CACNA1C: variants seen among roughly 807,000 people sequenced by gnomAD.
CACNA1C encodes the protein voltage-dependent L-type calcium channel subunit alpha-1C.
CACNA1C carries 30 observed loss-of-function variants against 229.0 expected under a neutral mutation model. The observed-to-expected ratio is 0.13, with a 90% CI of 0.10 to 0.18. The LOEUF (loss-of-function observed/expected upper bound fraction) is 0.18. CACNA1C is among the 10% of genes least tolerant of loss of function. The pLI, the probability that CACNA1C is intolerant of heterozygous loss-of-function variation, is 1.00. For missense variants in CACNA1C, 1,658 were observed against 2,845.0 expected (o/e 0.58, Z 9.49); for synonymous variants, 1,114 against 1,132.5 (o/e 0.98, Z 0.33).
At position 2,651,966 on chromosome 12, in the gene CACNA1C, A is replaced by G. The variant is rs2153656371; in HGVS notation, c.4074+198A>G. ...AGCATGTGGTTTCCAAGGCAGGCTC[A>G]GAGCCCCAGAAGGCCAGGTGGTAAA... On this transcript the variant is annotated intron_variant, in intron 32 of 46. Transcript: ENST00000399655. This position sits in a 1 kb window ranked among gnomAD's most constrained non-coding sequence, Gnocchi z 5.4. Among the ~76,000 whole-genome samples the G allele has an allele frequency of 6.6e-6, 1 of 152,112 alleles. No homozygotes were observed. Among genetic ancestry groups the G allele is most frequent in the Middle Eastern group, 3.4e-3 (1 of 294 alleles).
intron 3 of CACNA1C, among the ~76,000 whole-genome samples, chr12:2,336,862 G>T (rs1019708235): frequency 2.0e-5 from 3 of 152,168 alleles, no homozygotes; most frequent in African/African-American, 4.8e-5. Flanking sequence ...GGAGTGCCAT[G>T]TCGGGCAGGG....
At chr12:2,292,241 G>A (rs1176773763) in intron 3 of CACNA1C, among the ~76,000 whole-genome samples, 3 of 152,240 alleles carry the variant, frequency 2.0e-5, no homozygotes, top group East Asian at 3.8e-4. Context: ...ACAATAGTGA[G>A]TGAAGCAAGT....
Position 2,348,111 on chromosome 12 carries a change from C to T in CACNA1C, c.478-100865C>T, listed in dbSNP as rs1427338381. 2.0e-5 allele frequency among the ~76,000 whole-genome samples: 3 copies of T among 152,188 alleles called. No homozygotes were observed. The highest frequency in any genetic ancestry group is 2.1e-4 in the South Asian group (1 of 4,832). On this transcript the variant is annotated intron_variant, in intron 3 of 46. Transcript: ENST00000399655. This position sits in a 1 kb window ranked among gnomAD's most constrained non-coding sequence, Gnocchi z 4.7. Reference sequence around the variant, plus strand: ...CTGTGCGGCAGGCCCACTCTCAACTCGAGGGGAGCCCCTCCTGCCTGCTGC... The same window carrying T: ...CTGTGCGGCAGGCCCACTCTCAACTTGAGGGGAGCCCCTCCTGCCTGCTGC...
At position 2,102,406 on chromosome 12, in the gene CACNA1C, G is replaced by A. The variant is rs528025765; in HGVS notation, c.50-12818G>A. ...TATTAGACTTTAACTCATCTCAGGC[G>A]TTCAGCAGCTGAAGGAAAGGGGAGG... On this transcript the variant is annotated intron_variant, in intron 1 of 46. Coordinates refer to ENST00000399655, the MANE Select transcript of CACNA1C (RefSeq NM_000719.7). Among the ~76,000 whole-genome samples, 12 of 152,192 alleles carry A rather than the reference G, an allele frequency of 7.9e-5. No homozygotes were observed. In the East Asian group the frequency reaches 2.1e-3, roughly 27 times the overall value.
intron 3 of CACNA1C, among the ~76,000 whole-genome samples, chr12:2,276,057 T>A (rs1409544623): frequency 6.6e-6 from 1 of 152,120 alleles, no homozygotes; most frequent in East Asian, 1.9e-4. Context: ...TTTTATTTTT[T>A]AATTTGTATA....
intron 29 of CACNA1C, among the ~76,000 whole-genome samples, chr12:2,621,210 CAACA>C (rs1293111871): frequency 6.6e-6 from 1 of 152,114 alleles, no homozygotes; most frequent in African/African-American, 2.4e-5. Context: ...CACCAATACA[CAACA>C]AACAAAGGTT....
intron 11 of CACNA1C, among the ~76,000 whole-genome samples, chr12:2,564,759 C>G (rs560814789): frequency 6.6e-6 from 1 of 152,200 alleles, no homozygotes. Context: ...TTGCTGCCAG[C>G]TCTGTGTCAT....
intron 1 of CACNA1C, among the ~76,000 whole-genome samples, chr12:2,047,724 A>G (rs889410109): frequency 3.9e-5 from 6 of 152,252 alleles, no homozygotes; most frequent in African/African-American, 9.6e-5. Flanking sequence ...GGGAAGTGGT[A>G]CCACCGTGAG....
intron 3 of CACNA1C, among the ~76,000 whole-genome samples, chr12:2,182,657 G>C (rs191512353): frequency 6.6e-6 from 1 of 152,096 alleles, no homozygotes; most frequent in African/African-American, 2.4e-5. Context: ...ACATTTGTCC[G>C]GTGCTCACTG....
At chr12:2,072,661 T>A (rs565782807) in intron 1 of CACNA1C, among the ~76,000 whole-genome samples, 32 of 152,332 alleles carry the variant, frequency 2.1e-4, no homozygotes, top group Non-Finnish European at 2.8e-4. Context: ...GTATATAATT[T>A]GGTATATGAG....
chr12:2,611,516 G>A (rs573808333), intron 28 of CACNA1C, among the ~76,000 whole-genome samples: 2 of 152,136 alleles, frequency 1.3e-5, no homozygotes, highest in East Asian at 3.9e-4. Context: ...AGTGGGGAGA[G>A]GGGAGGAGAT....
chr12:2,549,407 G>A lies in CACNA1C; in HGVS notation c.1391-536G>A, dbSNP rs973404128. Among the ~76,000 whole-genome samples, 9 of 152,286 alleles carry A rather than the reference G, an allele frequency of 5.9e-5. No individual in the cohort carries two copies. The East Asian group carries it at 1.4e-3, about 23-fold the overall frequency. Reference sequence around the variant, plus strand: ...CCCTCTGTCTCAGTTGTGCTCCTGGGTGTAACCAACTGCCGGAAAGGGAAG... The same window carrying A: ...CCCTCTGTCTCAGTTGTGCTCCTGGATGTAACCAACTGCCGGAAAGGGAAG... On this transcript the variant is annotated intron_variant, in intron 9 of 46. Coordinates refer to ENST00000399655, the MANE Select transcript of CACNA1C (RefSeq NM_000719.7).
At chr12:2,391,578 G>A (rs921449729) in intron 3 of CACNA1C, among the ~76,000 whole-genome samples, 6 of 149,072 alleles carry the variant, frequency 4.0e-5, no homozygotes, top group Non-Finnish European at 8.9e-5. Flanking sequence ...TTACGGGCAG[G>A]AGCCATGACA....
At position 2,211,714 on chromosome 12, in the gene CACNA1C, C is replaced by CTT. The variant is rs5795996; in HGVS notation, c.477+91304_477+91305dup. 3.8e-3 allele frequency among the ~76,000 whole-genome samples: 433 copies of CTT among 115,422 alleles called. 6 individuals carry two copies. Among genetic ancestry groups the CTT allele is most frequent in the African/African-American group, 0.01 (267 of 26,406 alleles). The allele number at this position is 115,422 out of a possible 152,430, so 75.7% of individuals were successfully genotyped here. A position where few individuals can be genotyped will look rare whatever the true frequency, so the allele number is the denominator to read the frequency against. ...CTTTCACCTGTTACTCTTTCTGCTG[C>CTT]TTTTTTTTTTTTTTTTTTTTTGAGA... On this transcript the variant is annotated intron_variant, in intron 3 of 46. Coordinates refer to ENST00000399655, the MANE Select transcript of CACNA1C (RefSeq NM_000719.7).
At chr12:2,323,810 C>T (rs2096143334) in intron 3 of CACNA1C, among the ~76,000 whole-genome samples, 1 of 150,886 alleles carries the variant, frequency 6.6e-6, no homozygotes, top group Non-Finnish European at 1.5e-5. Context: ...GGAGTCCGTG[C>T]AGGGAGGAGC....
chr12:2,253,075 G>A (rs2076191737), intron 3 of CACNA1C, among the ~76,000 whole-genome samples: 1 of 152,162 alleles, frequency 6.6e-6, no homozygotes, highest in Non-Finnish European at 1.5e-5. Context: ...TGTCCCCAGG[G>A]GAGAAGTGAC....
At chr12:2,214,479 A>C (rs1031114226) in intron 3 of CACNA1C, among the ~76,000 whole-genome samples, 1 of 152,116 alleles carries the variant, frequency 6.6e-6, no homozygotes, top group African/African-American at 2.4e-5. Flanking sequence ...CAGTCTTCAC[A>C]CTGATCTCGT....
At chr12:2,528,308 G>C (rs2099829603) in intron 9 of CACNA1C, among the ~76,000 whole-genome samples, 3 of 152,216 alleles carry the variant, frequency 2.0e-5, no homozygotes, top group African/African-American at 7.2e-5. Context: ...TGTTTCTGTA[G>C]TTCTCAGTTG....
intron 6 of CACNA1C, among the ~76,000 whole-genome samples, chr12:2,491,728 C>T (rs1483912694): frequency 6.6e-6 from 1 of 152,200 alleles, no homozygotes. Context: ...AGACTCTATT[C>T]TCCTAAGAAT....
Sources: allele counts gnomAD v4.1 joint callset (sites outside exome capture counted in the v4.1 genomes callset), GRCh38; gene constraint gnomAD v4.1.1; non-coding constraint Gnocchi (gnomAD v3.1); transcripts MANE v1.5; gene names NCBI Gene and HGNC (gene_info 2026-07-23, HGNC 2026-07-21).